Variants in SMIM17 observed in about 807,000 individuals in gnomAD.
SMIM17 encodes the protein small integral membrane protein 17.
Under a neutral mutation model 12.2 loss-of-function variants are expected in SMIM17, and 10 were observed. The ratio of observed to expected loss-of-function variants is 0.82; its 90% confidence interval spans 0.50 to 1.39. The LOEUF (loss-of-function observed/expected upper bound fraction) is 1.39. SMIM17 is among the 40% of genes most tolerant of loss of function. The pLI is 0.00. For missense variants in SMIM17, 136 were observed against 118.2 expected (o/e 1.15, Z -0.70); for synonymous variants, 50 against 44.1 (o/e 1.13, Z -0.53).
chr19:56,647,131 T>C (rs1270515328), intron 2 of SMIM17, among the ~76,000 whole-genome samples: 1 of 152,144 alleles, frequency 6.6e-6, no homozygotes, highest in East Asian at 1.9e-4. Context: ...GAAGCCTCCA[T>C]CATCCTGGTT....
intron 3 of SMIM17, among the ~76,000 whole-genome samples, chr19:56,653,642 G>T (rs1475612530): frequency 6.6e-6 from 1 of 152,260 alleles, no homozygotes; most frequent in South Asian, 2.1e-4. Flanking sequence ...ATCCAAAGGG[G>T]ATCCCAAGAT....
rs1386351520 is a variant in SMIM17 at position 56,645,839 on chromosome 19, G to C, written c.169+3G>C. 34 of 1,530,110 alleles carry C rather than the reference G, an allele frequency of 2.2e-5. No homozygotes were observed. Among genetic ancestry groups the C allele is most frequent in the Non-Finnish European group, 2.8e-5 (32 of 1,144,110 alleles). The allele number at this position is 1,530,110 out of a possible 1,614,324, so 94.8% of individuals were successfully genotyped here. The stretch of plus-strand genomic sequence containing the variant: ...CAGCCATGACAGTGATGAGAAAGGT[G>C]AGAGGCAGGGGTCCTTTGGGAGGTG... On this transcript the variant is annotated splice_donor_region_variant and intron_variant, in intron 2 of 3. Transcript: ENST00000598409.
Position 56,647,741 on chromosome 19 carries a change from C to A in SMIM17, c.246+107C>A, listed in dbSNP as rs138290799. The A allele has an allele frequency of 5.6e-6, 5 of 894,092 alleles. No homozygotes were observed. The East Asian group carries it at 1.3e-4, about 24-fold the overall frequency. 55.4% of individuals were successfully genotyped at this position (894,092 alleles called of 1,614,324 possible). A position where few individuals can be genotyped will look rare whatever the true frequency, so the allele number is the denominator to read the frequency against. ...TGGAATTTACCTGCCCCATAAAAAT[C>A]TCAAGAGATCTCTTGTGTCTGATCT... On this transcript the variant is annotated intron_variant, in intron 3 of 3. Transcript: ENST00000598409.
chr19:56,650,658 G>T (rs1362833482), intron 3 of SMIM17, among the ~76,000 whole-genome samples: 1 of 152,218 alleles, frequency 6.6e-6, no homozygotes, highest in African/African-American at 2.4e-5. Flanking sequence ...AGCAGAGCTA[G>T]CATAGAGTTT....
At chr19:56,651,771 T>C (rs1345910497) in intron 3 of SMIM17, among the ~76,000 whole-genome samples, 1 of 152,046 alleles carries the variant, frequency 6.6e-6, no homozygotes, top group Non-Finnish European at 1.5e-5. Context: ...ACACCTAGGA[T>C]GTGTGCAACC....
intron 3 of SMIM17, among the ~76,000 whole-genome samples, chr19:56,654,873 T>C (rs1010165157): frequency 2.6e-4 from 40 of 152,220 alleles, no homozygotes; most frequent in African/African-American, 9.2e-4. Context: ...AATATACCAG[T>C]GAGATTTTGA....
chr19:56,651,725 A>G (rs953747644), intron 3 of SMIM17, among the ~76,000 whole-genome samples: 1 of 152,056 alleles, frequency 6.6e-6, no homozygotes, highest in Non-Finnish European at 1.5e-5. Context: ...TGCTAGTTAC[A>G]TGGTGTGTTC....
At position 56,652,653 on chromosome 19, in the gene SMIM17, C is replaced by CA. The variant is rs769966490; in HGVS notation, c.247-2442dup. ...GGCGATACAGCGAGACTCTCCTTCTCAAAAAAAAGAAAAAAAAAAGAGAGA... is the reference window on the plus strand; with the variant it reads ...GGCGATACAGCGAGACTCTCCTTCTCAAAAAAAAAGAAAAAAAAAAGAGAGA... On this transcript the variant is annotated intron_variant, in intron 3 of 3. Transcript: ENST00000598409. Among the ~76,000 whole-genome samples the CA allele has an allele frequency of 3.0e-4, 36 of 120,334 alleles. No individual in the cohort carries two copies. In the East Asian group the frequency reaches 4.6e-3, roughly 15 times the overall value. 78.9% of individuals were successfully genotyped at this position (120,334 alleles called of 152,430 possible). A position where few individuals can be genotyped will look rare whatever the true frequency, so the allele number is the denominator to read the frequency against.
chr19:56,647,140 T>C (rs2045069578), intron 2 of SMIM17, among the ~76,000 whole-genome samples: 1 of 152,116 alleles, frequency 6.6e-6, no homozygotes, highest in South Asian at 2.1e-4. Flanking sequence ...ATCATCCTGG[T>C]TTACTTCTGT....
At position 56,645,795 on chromosome 19, in the gene SMIM17, CTG is replaced by C. The variant is rs747636540; in HGVS notation, c.131_132del (p.Val44GlyfsTer8). ...CCCGCCTGCACCAAAGACTGGGAGG[CTG>C]TGGAGGTTGGGGCCTCCAGCCATGA... is the stretch of plus-strand genomic sequence containing the variant. On this transcript the variant is annotated frameshift_variant, in exon 2 of 4. Transcript: ENST00000598409. LOFTEE classifies it high-confidence loss of function. 21 of 1,535,756 alleles carry C rather than the reference CTG, an allele frequency of 1.4e-5. No homozygotes were observed. The South Asian group carries it at 2.3e-4, about 17-fold the overall frequency.
At chr19:56,653,963 T>G (rs2148045164) in intron 3 of SMIM17, among the ~76,000 whole-genome samples, 1 of 152,340 alleles carries the variant, frequency 6.6e-6, no homozygotes, top group Non-Finnish European at 1.5e-5. Flanking sequence ...TTCACCAAAC[T>G]TCCTTGATAT....
At chr19:56,644,101 G>T (rs1326598163) in intron 1 of SMIM17, among the ~76,000 whole-genome samples, 1 of 151,720 alleles carries the variant, frequency 6.6e-6, no homozygotes, top group African/African-American at 2.4e-5. Context: ...TGACCTGATG[G>T]CTGTCGTCTT....
At chr19:56,648,572 G>A (rs1279346362) in intron 3 of SMIM17, among the ~76,000 whole-genome samples, 1 of 152,062 alleles carries the variant, frequency 6.6e-6, no homozygotes, top group African/African-American at 2.4e-5. Context: ...CCTGTTGGCT[G>A]TGGTGAGGAT....
intron 3 of SMIM17, 29 bp downstream of exon 3, chr19:56,647,663 C>A: frequency 6.6e-7 from 1 of 1,511,220 alleles, no homozygotes; most frequent in Non-Finnish European, 8.9e-7. Context: ...TCTTTTTCCA[C>A]AAATGTCCCA....
Position 56,655,106 on chromosome 19 carries a change from T to C in SMIM17, c.250T>C (p.Phe84Leu). ...CTTTTCCTTTTTTCTGTTTCAGGGC[T>C]TTGTGGAGTGGTCAAAAGCTCCACA... ...EDDESEGSQG[F>L]VEWSKAPQQT... Residue 84 changes from phenylalanine (F) to leucine (L), a missense_variant, in exon 4 of 4, where the codon TTT (phenylalanine) becomes CTT (leucine). By Grantham distance (22) the Phe-to-Leu change is conservative. Transcript: ENST00000598409. The C allele has an allele frequency of 1.4e-6, 1 of 695,356 alleles. No individual in the cohort carries two copies. The highest frequency in any genetic ancestry group is 2.7e-5 in the East Asian group (1 of 37,150). The allele number at this position is 695,356 out of a possible 1,614,324, so 43.1% of individuals were successfully genotyped here.
intron 3 of SMIM17, among the ~76,000 whole-genome samples, chr19:56,654,615 T>C (rs2045134854): frequency 1.3e-5 from 2 of 151,982 alleles, no homozygotes; most frequent in South Asian, 4.1e-4. Flanking sequence ...CAATTGGAGG[T>C]CTGGAGGGGC....
chr19:56,646,805 G>A (rs1600616472), intron 2 of SMIM17, among the ~76,000 whole-genome samples: 2 of 152,150 alleles, frequency 1.3e-5, no homozygotes, highest in East Asian at 1.9e-4. Flanking sequence ...TAGGGTTTTG[G>A]CCCAAACAGA....
At chr19:56,644,342 T>A (rs912291773) in intron 1 of SMIM17, among the ~76,000 whole-genome samples, 2 of 152,016 alleles carry the variant, frequency 1.3e-5, no homozygotes, top group Non-Finnish European at 2.9e-5. Context: ...CTCTCCTCAC[T>A]CCCAACAGAC....
intron 1 of SMIM17, 116 bp from the exon 2 acceptor site, chr19:56,645,452 G>A: frequency 2.4e-6 from 1 of 415,616 alleles, no homozygotes; most frequent in East Asian, 3.8e-5. Flanking sequence ...TAGAATGTAA[G>A]CCCCAGGAGG....
Sources: allele counts gnomAD v4.1 joint callset (sites outside exome capture counted in the v4.1 genomes callset), GRCh38; gene constraint gnomAD v4.1.1; transcripts MANE v1.5; gene names NCBI Gene and HGNC (gene_info 2026-07-23, HGNC 2026-07-21).